The following CCZ1 variants were observed in gnomAD, a reference collection of about 807,000 sequenced individuals.
The protein encoded by CCZ1 is CCZ1 vacuolar protein trafficking and biogenesis associated.
A neutral mutation model predicts 57.8 loss-of-function variants in CCZ1; 19 were observed. The ratio of observed to expected loss-of-function variants is 0.33; its 90% CI spans 0.23 to 0.48. The LOEUF is 0.48. CCZ1 is among the 20% of genes least tolerant of loss of function. The pLI is 0.99. For missense variants in CCZ1, 200 were observed against 492.0 expected (o/e 0.41, Z 5.61); for synonymous variants, 81 against 167.0 (o/e 0.49, Z 3.97).
chr7:5,906,574 A>T (rs1194352524), intron 7 of CCZ1, among the ~76,000 whole-genome samples: 2 of 148,276 alleles, frequency 1.3e-5, no homozygotes, highest in Admixed American at 6.7e-5. Context: ...TCCCCTGCAT[A>T]GGCCTCCCAA....
At chr7:5,900,189 G>T in intron 1 of CCZ1, 95 bp from the exon 2 acceptor site, 1 of 1,402,436 alleles carries the variant, frequency 7.1e-7, no homozygotes, top group South Asian at 1.5e-5. Flanking sequence ...TCATTAGCAT[G>T]TGTGACACAA....
chr7:5,905,775 T>TTTTTTTTTTTTTTTTTTTTTTTTTGG (rs1451891497), intron 7 of CCZ1, among the ~76,000 whole-genome samples: 2 of 74,600 alleles, frequency 2.7e-5, no homozygotes, highest in Non-Finnish European at 4.7e-5. Flanking sequence ...AGAGAGACTC[T>TTTTTTTTTTTTTTTTTTTTTTTTTGG]GTCTCCAAAA....
chr7:5,923,056 C>G (rs1477916081), intron 12 of CCZ1, among the ~76,000 whole-genome samples: 1 of 129,384 alleles, frequency 7.7e-6, no homozygotes, highest in Non-Finnish European at 1.6e-5. Context: ...CGGGGGCTCA[C>G]GCCTGTAATC....
intron 7 of CCZ1, among the ~76,000 whole-genome samples, chr7:5,908,964 G>A (rs1402622869): frequency 6.8e-6 from 1 of 147,330 alleles, no homozygotes; most frequent in African/African-American, 2.5e-5. Context: ...TATTTTCCCA[G>A]GGGACTAGGG....
At chr7:5,913,492 T>G (rs1291892260) in intron 10 of CCZ1, among the ~76,000 whole-genome samples, 1 of 151,568 alleles carries the variant, frequency 6.6e-6, no homozygotes, top group African/African-American at 2.4e-5. Flanking sequence ...GGAGAAGTTT[T>G]CATTTATAAA....
At position 5,899,515 on chromosome 7, in the gene CCZ1, T is replaced by C. The variant is rs1246488879; in HGVS notation, c.120+596T>C. On this transcript the variant is annotated intron_variant, in intron 1 of 14. Coordinates refer to ENST00000325974, the MANE Select transcript of CCZ1 (RefSeq NM_015622.6). ...ACTCACGCCTGTAATCCCAGCACTT[T>C]AGGAGGCCGAGATGGGAGGATTGCT... Among the ~76,000 whole-genome samples, 184 of 127,782 alleles carry C rather than the reference T, an allele frequency of 1.4e-3. 1 individual carries two copies. Among genetic ancestry groups the C allele is most frequent in the Middle Eastern group, 7.9e-3 (2 of 252 alleles). The allele number at this position is 127,782 out of a possible 152,430, so 83.8% of individuals were successfully genotyped here.
intron 7 of CCZ1, among the ~76,000 whole-genome samples, chr7:5,908,050 G>A (rs1781876711): frequency 7.0e-6 from 1 of 142,460 alleles, no homozygotes; most frequent in Admixed American, 6.9e-5. Flanking sequence ...TGAGGTTGCA[G>A]TGAGCTATGA....
rs1365323537 is a variant in CCZ1 at position 5,910,919 on chromosome 7, A to G, written c.780+803A>G. On this transcript the variant is annotated intron_variant, in intron 8 of 14. Transcript: ENST00000325974. ...CCCGGCTAATTTTTATATTTTTAGT[A>G]GAGACGGAGTTTCACCATGTTGGCC... Among the ~76,000 whole-genome samples the G allele has an allele frequency of 1.4e-5, 2 of 146,208 alleles. 1 individual carries two copies. Among genetic ancestry groups the G allele is most frequent in the Non-Finnish European group, 3.0e-5 (2 of 67,266 alleles).
rs201355172 is a variant in CCZ1, at chr7:5,925,732, A to G, written c.*45A>G. On this transcript the variant is annotated 3_prime_UTR_variant, in exon 15 of 15. Coordinates refer to ENST00000325974, the MANE Select transcript of CCZ1 (RefSeq NM_015622.6). ...AGCATATCTAAAAAACACTCTGCAA[A>G]CATTTGGTCACATGCAAGTTAGTGG... 7.6e-7 allele frequency: 1 copy of G among 1,313,322 alleles called. No individual in the cohort carries two copies. The highest frequency in any genetic ancestry group is 1.1e-6 in the Non-Finnish European group (1 of 909,294). The allele number at this position is 1,313,322 out of a possible 1,614,324, so 81.4% of individuals were successfully genotyped here. A position where few individuals can be genotyped will look rare whatever the true frequency, so the allele number is the denominator to read the frequency against.
chr7:5,912,636 G>A (rs1037329751), intron 9 of CCZ1, among the ~76,000 whole-genome samples: 1 of 150,502 alleles, frequency 6.6e-6, no homozygotes, highest in Non-Finnish European at 1.5e-5. Flanking sequence ...CTGACTTCAG[G>A]TGATCCACCC....
rs116364167 is a variant in CCZ1, at chr7:5,906,058, A to G, written c.698+789A>G. 3.5e-3 allele frequency among the ~76,000 whole-genome samples: 511 copies of G among 146,876 alleles called. 11 individuals carry two copies. Among genetic ancestry groups the G allele is most frequent in the African/African-American group, 0.012 (483 of 39,622 alleles). ...GCACCTACTTTCTTTTAAAGAAACT[A>G]GATTTCTTTTTTTTTAATCCAAGAA... On this transcript the variant is annotated intron_variant, in intron 7 of 14. Coordinates refer to ENST00000325974, the MANE Select transcript of CCZ1 (RefSeq NM_015622.6).
intron 7 of CCZ1, among the ~76,000 whole-genome samples, chr7:5,908,755 C>A (rs988410140): frequency 7.0e-6 from 1 of 143,582 alleles, no homozygotes; most frequent in African/African-American, 2.6e-5. Flanking sequence ...TTTTAAAAAA[C>A]CGGTTCCAGA....
At chr7:5,907,196 C>G (rs1781851168) in intron 7 of CCZ1, among the ~76,000 whole-genome samples, 1 of 149,692 alleles carries the variant, frequency 6.7e-6, no homozygotes, top group African/African-American at 2.5e-5. Flanking sequence ...GTTTATCAGG[C>G]AACCTTACAC....
At position 5,924,536 on chromosome 7, in the gene CCZ1, A is replaced by C. The variant is rs1344408766; in HGVS notation, c.1393+574A>C. Among the ~76,000 whole-genome samples the C allele has an allele frequency of 2.6e-5, 3 of 114,554 alleles. No individual in the cohort carries two copies. In the East Asian group the frequency reaches 7.1e-4, roughly 27 times the overall value. The allele number at this position is 114,554 out of a possible 152,430, so 75.2% of individuals were successfully genotyped here. A position where few individuals can be genotyped will look rare whatever the true frequency, so the allele number is the denominator to read the frequency against. On this transcript the variant is annotated intron_variant, in intron 14 of 14. Coordinates refer to ENST00000325974, the MANE Select transcript of CCZ1 (RefSeq NM_015622.6). ...GGCGTGAGCCACCTTGCCCAGCCCA[A>C]AATGTCCTTTTTTAATATCCTGTGA...
intron 7 of CCZ1, 30 bp downstream of exon 7, chr7:5,905,299 A>G (rs1373637068): frequency 2.3e-6 from 3 of 1,282,592 alleles, no homozygotes; most frequent in Non-Finnish European, 3.2e-6. Context: ...TGGTATTAAA[A>G]GAAGAAATTA....
rs398066572 is a variant in CCZ1, at chr7:5,906,323, C to CTTT, written c.698+1070_698+1072dup. 2.9e-3 allele frequency among the ~76,000 whole-genome samples: 375 copies of CTTT among 128,016 alleles called. 15 individuals carry two copies. The highest frequency in any genetic ancestry group is 4.3e-3 in the Non-Finnish European group (270 of 63,004). The allele number at this position is 128,016 out of a possible 152,430, so 84.0% of individuals were successfully genotyped here. ...TGACTAGAGCCCACTTTCTTTCTTT[C>CTTT]TTTTTTTTTTTTTTTTTTGAGACGG... On this transcript the variant is annotated intron_variant, in intron 7 of 14. Transcript: ENST00000325974.
rs1265973339 is a variant in CCZ1 at position 5,920,901 on chromosome 7, T to TG, written c.1106+936dup. Among the ~76,000 whole-genome samples, 3 of 123,186 alleles carry TG rather than the reference T, an allele frequency of 2.4e-5. 1 individual carries two copies. The highest frequency in any genetic ancestry group is 5.3e-5 in the Non-Finnish European group (3 of 57,036). The allele number at this position is 123,186 out of a possible 152,430, so 80.8% of individuals were successfully genotyped here. ...CATTTGAGAAGTTACTAAAAGGCTGTGAATTTCTGCATACGCTCATGGTCT... is the reference window on the plus strand; with the variant it reads ...CATTTGAGAAGTTACTAAAAGGCTGTGGAATTTCTGCATACGCTCATGGTCT... On this transcript the variant is annotated intron_variant, in intron 12 of 14. Transcript: ENST00000325974.
chr7:5,920,915 C>T lies in CCZ1; in HGVS notation c.1106+949C>T, dbSNP rs1259139860. On this transcript the variant is annotated intron_variant, in intron 12 of 14. Transcript: ENST00000325974. ...CTAAAAGGCTGTGAATTTCTGCATA[C>T]GCTCATGGTCTTAATGTTCATACGT... Among the ~76,000 whole-genome samples the T allele has an allele frequency of 1.6e-5, 2 of 121,638 alleles. 1 individual carries two copies. The highest frequency in any genetic ancestry group is 3.5e-5 in the Non-Finnish European group (2 of 56,588). 79.8% of individuals were successfully genotyped at this position (121,638 alleles called of 152,430 possible).
chr7:5,908,380 AT>A (rs5882075), intron 7 of CCZ1, among the ~76,000 whole-genome samples: 45,453 of 132,436 alleles, frequency 0.34, 8,438 homozygotes, highest in Middle Eastern at 0.51. Flanking sequence ...TATTGCTTTG[AT>A]TTTTTTTTTT....
Sources: gnomAD v4.1 joint callset for allele counts (sites outside exome capture counted in the v4.1 genomes callset) on GRCh38, gnomAD v4.1.1 for gene constraint, MANE v1.5 for transcripts, NCBI Gene and HGNC (gene_info 2026-07-23, HGNC 2026-07-21) for gene names.